The following AP3B1 variants were observed in gnomAD, a reference collection of about 807,000 sequenced individuals.
AP3B1 encodes AP-3 complex subunit beta-1.
Under a neutral mutation model 132.5 loss-of-function variants are expected in AP3B1, and 61 were observed. The ratio of observed to expected loss-of-function variants is 0.46; its 90% confidence interval spans 0.37 to 0.57. The LOEUF (loss-of-function observed/expected upper bound fraction) is 0.57, where lower values mean the gene tolerates loss of function less well. Ranked by LOEUF, AP3B1 falls within the 20% of genes least tolerant of loss-of-function variation. The pLI, the probability that AP3B1 is intolerant of heterozygous loss-of-function variation, is 0.00. For synonymous variants in AP3B1, 388 were observed against 438.3 expected, an observed-to-expected ratio of 0.89 and a Z score of 1.43; for missense variants, 1,120 against 1,289.4, an observed-to-expected ratio of 0.87 and a Z score of 2.01.
chr5:78,058,785 C>T (rs186124967), intron 22 of AP3B1, among the ~76,000 whole-genome samples: 43 of 152,278 alleles, frequency 2.8e-4, no homozygotes, highest in African/African-American at 9.6e-4. Context: ...CCCCATGGTA[C>T]AATCAACATC....
chr5:78,189,927 A>ATAAAATAAAATAAAATAAAC (rs1744760321), intron 7 of AP3B1, among the ~76,000 whole-genome samples: 1 of 144,970 alleles, frequency 6.9e-6, no homozygotes, highest in Non-Finnish European at 1.5e-5. Flanking sequence ...ATAAAATAAA[A>ATAAAATAAAATAAAATAAAC]TAAAATAAAA....
chr5:78,034,979 T>C (rs1747742751), intron 23 of AP3B1, among the ~76,000 whole-genome samples: 1 of 151,904 alleles, frequency 6.6e-6, no homozygotes, highest in African/African-American at 2.4e-5. Flanking sequence ...AGATCTCACA[T>C]TGAAACCAAA....
chr5:78,098,090 G>A (rs537738449), intron 21 of AP3B1, among the ~76,000 whole-genome samples: 2 of 151,044 alleles, frequency 1.3e-5, no homozygotes, highest in South Asian at 2.1e-4. Flanking sequence ...CAGCATGCTC[G>A]TTAAGAGTCA....
intron 22 of AP3B1, among the ~76,000 whole-genome samples, chr5:78,040,092 T>C (rs1264225940): frequency 1.3e-5 from 2 of 152,154 alleles, no homozygotes; most frequent in Non-Finnish European, 2.9e-5. Context: ...TACTGTAAAC[T>C]GAAGACCATG....
chr5:78,270,340 C>T (rs2112566369), intron 1 of AP3B1, among the ~76,000 whole-genome samples: 1 of 152,244 alleles, frequency 6.6e-6, no homozygotes, highest in East Asian at 1.9e-4. Flanking sequence ...TACAAAGTTA[C>T]CTTCTTTTTC....
intron 3 of AP3B1, among the ~76,000 whole-genome samples, chr5:78,231,177 G>C (rs1026746415): frequency 1.3e-5 from 2 of 151,842 alleles, no homozygotes. Flanking sequence ...TTGTTTGTTT[G>C]TTTTTTGTTT....
intron 7 of AP3B1, among the ~76,000 whole-genome samples, chr5:78,199,291 A>G (rs902526460): frequency 2.0e-5 from 3 of 152,230 alleles, no homozygotes; most frequent in Admixed American, 2.0e-4. Flanking sequence ...GATCTATAAT[A>G]AAGCATTTTT....
chr5:78,058,479 G>A (rs925732597), intron 22 of AP3B1, among the ~76,000 whole-genome samples: 2 of 151,680 alleles, frequency 1.3e-5, no homozygotes, highest in African/African-American at 2.4e-5. Flanking sequence ...CAGCCTGGAC[G>A]ACAGAGTGAG....
intron 7 of AP3B1, among the ~76,000 whole-genome samples, chr5:78,193,086 A>G (rs1744910435): frequency 6.6e-6 from 1 of 152,138 alleles, no homozygotes; most frequent in African/African-American, 2.4e-5. Flanking sequence ...ACTCAGATAT[A>G]TTTTTATATT....
chr5:78,221,528 A>G (rs1056656046), intron 6 of AP3B1, among the ~76,000 whole-genome samples: 2 of 152,016 alleles, frequency 1.3e-5, no homozygotes, highest in Non-Finnish European at 2.9e-5. Context: ...AGAGAGCAAA[A>G]ATAATCAGAT....
chr5:78,110,106 T>C lies in AP3B1; in HGVS notation c.2397+101A>G. 7 of 1,098,340 alleles carry C rather than the reference T, an allele frequency of 6.4e-6. No individual in the cohort carries two copies. In the South Asian group the frequency reaches 7.0e-5, roughly 11 times the overall value. The allele number at this position is 1,098,340 out of a possible 1,614,324, so 68.0% of individuals were successfully genotyped here. A position where few individuals can be genotyped will look rare whatever the true frequency, so the allele number is the denominator to read the frequency against. ...TTGGGTTATAAGGGAAAGGCTTATC[T>C]AGAAAAAATAAAATCACAGGAGTAG... On this transcript the variant is annotated intron_variant, in intron 20 of 26. Coordinates refer to ENST00000255194, the MANE Select transcript of AP3B1 (RefSeq NM_003664.5).
intron 22 of AP3B1, among the ~76,000 whole-genome samples, chr5:78,039,782 A>G (rs1057214613): frequency 3.3e-5 from 5 of 150,192 alleles, no homozygotes; most frequent in African/African-American, 1.2e-4. Flanking sequence ...CGTCTCAAAA[A>G]AAAAAAAAAA....
Position 78,116,165 on chromosome 5 carries a change from C to G in AP3B1, c.2038G>C (p.Glu680Gln). 1 of 1,613,838 alleles carries G rather than the reference C, an allele frequency of 6.2e-7. No individual in the cohort carries two copies. Among genetic ancestry groups the G allele is most frequent in the Non-Finnish European group, 8.5e-7 (1 of 1,179,818 alleles). The change falls in exon 18 of 27, where the codon GAG becomes CAG. Residue 680 changes from glutamate (E) to glutamine (Q), a missense_variant. Physicochemically the swap from Glu to Gln is conservative, Grantham distance 29 (BLOSUM62 2). This residue lies in a region of AP3B1 where 906 missense variants were observed against 997.1 expected (regional missense o/e 0.91). Coordinates refer to ENST00000255194, the MANE Select transcript of AP3B1 (RefSeq NM_003664.5). Reference protein sequence around the residue: ...NSAKKFYSESEEEEDSSDSSS... With the variant: ...NSAKKFYSESQEEEDSSDSSS... ...CTATCAGAAGAGTCCTCCTCTTCCT[C>G]AGATTCAGAATAAAACTTCTTAGCA... is the stretch of plus-strand genomic sequence containing the variant.
chr5:78,055,637 C>A (rs1307998414), intron 22 of AP3B1, among the ~76,000 whole-genome samples: 1 of 152,036 alleles, frequency 6.6e-6, no homozygotes, highest in African/African-American at 2.4e-5. Flanking sequence ...GCTATAATTC[C>A]TTTTTCAATA....
chr5:78,227,599 C>A, intron 4 of AP3B1, 67 bp from the exon 5 acceptor site: 1 of 1,511,708 alleles, frequency 6.6e-7, no homozygotes, highest in Non-Finnish European at 9.2e-7. Flanking sequence ...ATCTTTCAGA[C>A]ACAGTTAATA....
At chr5:78,103,909 C>T (rs1751227519) in intron 20 of AP3B1, among the ~76,000 whole-genome samples, 1 of 151,842 alleles carries the variant, frequency 6.6e-6, no homozygotes, top group African/African-American at 2.4e-5. Flanking sequence ...TGTTACAATA[C>T]ACCTGAAAAG....
chr5:78,264,130 G>C (rs1014105160), intron 2 of AP3B1, among the ~76,000 whole-genome samples: 68 of 152,264 alleles, frequency 4.5e-4, no homozygotes, highest in Admixed American at 3.8e-3. Flanking sequence ...TTCTCAGAAA[G>C]CATCCCTGTC....
chr5:78,059,972 G>A (rs1409295381), intron 22 of AP3B1, among the ~76,000 whole-genome samples: 4 of 151,952 alleles, frequency 2.6e-5, no homozygotes, highest in Non-Finnish European at 5.9e-5. Context: ...AAACAGACAT[G>A]TTTCAATGGG....
At chr5:78,117,733 A>G (rs1029000693) in intron 17 of AP3B1, among the ~76,000 whole-genome samples, 1 of 152,218 alleles carries the variant, frequency 6.6e-6, no homozygotes, top group Non-Finnish European at 1.5e-5. Flanking sequence ...AGTGTTTACT[A>G]AATATTGTAT....
Sources: gnomAD v4.1 joint callset for allele counts (sites outside exome capture counted in the v4.1 genomes callset) on GRCh38, gnomAD v4.1.1 for gene constraint, gnomAD v4.1.1 regional missense constraint, MANE v1.5 for transcripts, NCBI Gene and HGNC (gene_info 2026-07-23, HGNC 2026-07-21) for gene names.